DRAM2: variants seen among roughly 807,000 people sequenced by gnomAD.
DRAM2 encodes the protein DNA damage regulated autophagy modulator 2.
DRAM2 carries 26 observed loss-of-function variants against 33.5 expected under a neutral mutation model. The ratio of observed to expected loss-of-function variants is 0.78; its 90% CI spans 0.57 to 1.08. The LOEUF is 1.08. Among genes scored for constraint, DRAM2 ranks in the 50% least tolerant of loss-of-function variants. The pLI, the probability that DRAM2 is intolerant of heterozygous loss-of-function variation, is 0.00. For synonymous variants in DRAM2, 98 were observed against 109.5 expected, an observed-to-expected ratio of 0.89 and a Z score of 0.66; for missense variants, 311 against 318.1, an observed-to-expected ratio of 0.98 and a Z score of 0.17.
At chr1:111,119,162 A>T (rs942331144) in intron 8 of DRAM2, among the ~76,000 whole-genome samples, 1 of 151,990 alleles carries the variant, frequency 6.6e-6, no homozygotes, top group Non-Finnish European at 1.5e-5. Flanking sequence ...TTACTCTACA[A>T]TCGAGAAATT....
chr1:111,139,510 G>T lies in DRAM2; in HGVS notation c.-88C>A, dbSNP rs1654073529. 1 of 152,268 alleles carries T rather than the reference G, an allele frequency of 6.6e-6. No homozygotes were observed. Among genetic ancestry groups the T allele is most frequent in the African/African-American group, 2.4e-5 (1 of 41,444 alleles). 9.4% of individuals were successfully genotyped at this position (152,268 alleles called of 1,614,324 possible). On this transcript the variant is annotated 5_prime_UTR_variant, in exon 2 of 10. Transcript: ENST00000484310. ...TGAACCCAGAACTCACAACAGGAAC[G>T]TGTACTCAACAGGAACGTGTACTCA...
intron 6 of DRAM2, 99 bp downstream of exon 6, chr1:111,124,639 TAAAG>T (rs1650630361): frequency 7.8e-6 from 10 of 1,278,970 alleles, no homozygotes; most frequent in Admixed American, 7.0e-5. Context: ...TTTGCTAAGG[TAAAG>T]AAATAACAAC....
intron 4 of DRAM2, among the ~76,000 whole-genome samples, chr1:111,130,876 G>A (rs1436572886): frequency 1.3e-5 from 2 of 151,234 alleles, no homozygotes; most frequent in Non-Finnish European, 2.9e-5. Flanking sequence ...GCGTAGTGAT[G>A]CACGCCTGTA....
intron 6 of DRAM2, among the ~76,000 whole-genome samples, chr1:111,121,186 TA>T (rs1197070226): frequency 6.6e-6 from 1 of 152,102 alleles, no homozygotes; most frequent in Non-Finnish European, 1.5e-5. Context: ...GTGCTGGGAA[TA>T]GGGAGTTTCC....
intron 6 of DRAM2, 72 bp from the exon 7 acceptor site, chr1:111,120,765 C>T: frequency 4.5e-6 from 6 of 1,345,624 alleles, no homozygotes; most frequent in Non-Finnish European, 5.9e-6. Flanking sequence ...CATTTAAAAG[C>T]ACAACCCAGA....
intron 5 of DRAM2, chr1:111,125,689 T>C (rs1650876817): frequency 6.6e-6 from 1 of 152,278 alleles, no homozygotes. Flanking sequence ...TGCAAATATT[T>C]AAAACAATCA....
intron 6 of DRAM2, 127 bp from the exon 7 acceptor site, chr1:111,120,820 TACAA>T: frequency 1.4e-6 from 1 of 700,216 alleles, no homozygotes; most frequent in Non-Finnish European, 2.1e-6. Context: ...CGGCCAATTC[TACAA>T]ACAAATTACT....
chr1:111,130,711 A>AAG (rs1557896268), intron 4 of DRAM2, among the ~76,000 whole-genome samples: 15 of 150,438 alleles, frequency 1.0e-4, no homozygotes, highest in East Asian at 1.9e-4. Context: ...AAAAAAAAAA[A>AAG]AAGTTTGGGT....
chr1:111,127,402 T>C (rs1393224007), intron 4 of DRAM2, among the ~76,000 whole-genome samples: 3 of 151,894 alleles, frequency 2.0e-5, no homozygotes, highest in Non-Finnish European at 4.4e-5. Context: ...AAATGGAAAG[T>C]ATTAAACATG....
intron 4 of DRAM2, chr1:111,127,958 G>A (rs577082863): frequency 2.0e-5 from 3 of 152,174 alleles, no homozygotes; most frequent in African/African-American, 7.2e-5. Flanking sequence ...AATATACATA[G>A]ATGTTGTAAT....
At chr1:111,124,721 A>G (rs770399851) in intron 6 of DRAM2, 21 bp downstream of exon 6, 11 of 1,612,454 alleles carry the variant, frequency 6.8e-6, no homozygotes, top group Non-Finnish European at 9.3e-6. Flanking sequence ...GAAAATACCT[A>G]TGCTGGGCTA....
intron 4 of DRAM2, among the ~76,000 whole-genome samples, chr1:111,129,944 G>A (rs941158700): frequency 6.6e-6 from 1 of 152,136 alleles, no homozygotes; most frequent in Non-Finnish European, 1.5e-5. Flanking sequence ...GAAACTGGAA[G>A]GTGTCAGGAA....
rs570348646 is a variant in DRAM2 at position 111,136,123 on chromosome 1, C to G, written c.-15+1400G>C. Among the ~76,000 whole-genome samples, 5 of 152,328 alleles carry G rather than the reference C, an allele frequency of 3.3e-5. No individual in the cohort carries two copies. In the East Asian group the frequency reaches 7.7e-4, roughly 24 times the overall value. On this transcript the variant is annotated intron_variant, in intron 3 of 9. Transcript: ENST00000484310. ...CTGACTTTCAATTCTCTTGGCCTAT[C>G]TGCTTTTCCTTCCCCTTCACCCATT... is the stretch of plus-strand genomic sequence containing the variant.
chr1:111,120,525 C>T lies in DRAM2; in HGVS notation c.508G>A (p.Ala170Thr). Reference sequence around the variant, plus strand: ...GTACAGTGAAGGATACTGCTAAGTGCACTTACTCCACACCAGATAACCAAC... The same window carrying T: ...GTACAGTGAAGGATACTGCTAAGTGTACTTACTCCACACCAGATAACCAAC... ...LLLVIWCGVS[A>T]LSMLTCSSVL... The change falls in exon 7 of 10, where the codon GCA (alanine) becomes ACA (threonine). Residue 170 changes from alanine (A) to threonine (T), a missense_variant. Coordinates refer to ENST00000484310, the MANE Select transcript of DRAM2 (RefSeq NM_001349884.2). The T allele has an allele frequency of 1.2e-6, 2 of 1,601,016 alleles. No individual in the cohort carries two copies. The highest frequency in any genetic ancestry group is 1.7e-6 in the Non-Finnish European group (2 of 1,173,674).
At chr1:111,130,079 G>A (rs944636663) in intron 4 of DRAM2, among the ~76,000 whole-genome samples, 2 of 152,078 alleles carry the variant, frequency 1.3e-5, no homozygotes, top group East Asian at 3.8e-4. Context: ...TTTTGGCTAA[G>A]ATCAAGTGTA....
At chr1:111,121,530 T>G (rs1050865071) in intron 6 of DRAM2, among the ~76,000 whole-genome samples, 1 of 152,194 alleles carries the variant, frequency 6.6e-6, no homozygotes, top group African/African-American at 2.4e-5. Context: ...TACTCTCCTT[T>G]GATAAATTTC....
chr1:111,133,374 C>T (rs1557900410), intron 3 of DRAM2, among the ~76,000 whole-genome samples: 1 of 152,104 alleles, frequency 6.6e-6, no homozygotes, highest in Non-Finnish European at 1.5e-5. Context: ...GATGGGATTT[C>T]ACCACGTTGG....
intron 2 of DRAM2, 144 bp from the exon 3 acceptor site, chr1:111,137,730 G>A (rs1403246686): frequency 6.6e-6 from 1 of 152,164 alleles, no homozygotes; most frequent in East Asian, 1.9e-4. Flanking sequence ...TTTCTTTGAT[G>A]AGTTGACACT....
Position 111,131,588 on chromosome 1 carries a change from T to C in DRAM2, c.-14-20A>G. 1 of 1,612,110 alleles carries C rather than the reference T, an allele frequency of 6.2e-7. No homozygotes were observed. Among genetic ancestry groups the C allele is most frequent in the Non-Finnish European group, 8.5e-7 (1 of 1,179,202 alleles). On this transcript the variant is annotated intron_variant, in intron 3 of 9. Transcript: ENST00000484310. Reference sequence around the variant, plus strand: ...GGTTTTCTGAAATAGAGAAAACATATTAGAAAAGATAATTCACAAGAGTTT... The same window carrying C: ...GGTTTTCTGAAATAGAGAAAACATACTAGAAAAGATAATTCACAAGAGTTT...
Sources: gnomAD v4.1 joint callset for allele counts (sites outside exome capture counted in the v4.1 genomes callset) on GRCh38, gnomAD v4.1.1 for gene constraint, MANE v1.5 for transcripts, NCBI Gene and HGNC (gene_info 2026-07-23, HGNC 2026-07-21) for gene names.